Variants in ZNF251 observed in about 807,000 individuals in gnomAD.
The protein encoded by ZNF251 is zinc finger protein 251.
ZNF251 carries 14 observed loss-of-function variants against 13.5 expected under a neutral mutation model. The observed-to-expected ratio is 1.04, with a 90% confidence interval of 0.69 to 1.63. The LOEUF (loss-of-function observed/expected upper bound fraction) is 1.63, where lower values mean the gene tolerates loss of function less well. Among genes scored for constraint, ZNF251 ranks in the 40% most tolerant of loss-of-function variants. The probability of loss-of-function intolerance (pLI) is 0.00; values close to 1 mark genes in which losing one functional copy is unlikely to be tolerated. For synonymous variants in ZNF251, 287 were observed against 295.2 expected, an observed-to-expected ratio of 0.97 and a Z score of 0.28; for missense variants, 764 against 834.9, an observed-to-expected ratio of 0.92 and a Z score of 1.05.
At chr8:144,726,194 C>CAAAAAAAAAAAAAAAAAAAAAAAA (rs35542133) in intron 4 of ZNF251, among the ~76,000 whole-genome samples, 1 of 52,140 alleles carries the variant, frequency 1.9e-5, no homozygotes, top group African/African-American at 8.4e-5. Context: ...GACTCTGTCT[C>CAAAAAAAAAAAAAAAAAAAAAAAA]AAAAAAAAAA....
intron 4 of ZNF251, among the ~76,000 whole-genome samples, chr8:144,729,335 A>AT (rs142840972): frequency 7.1e-6 from 1 of 141,254 alleles, no homozygotes; most frequent in Non-Finnish European, 1.5e-5. Context: ...ATTTATTTTT[A>AT]TTTTTTTTTT....
At chr8:144,750,579 T>G (rs1331992765) in intron 4 of ZNF251, among the ~76,000 whole-genome samples, 1 of 152,234 alleles carries the variant, frequency 6.6e-6, no homozygotes, top group Non-Finnish European at 1.5e-5. Context: ...CCCTTTTCAC[T>G]TCCTCCTGCC....
chr8:144,736,855 T>C (rs1275248228), intron 4 of ZNF251, among the ~76,000 whole-genome samples: 1 of 151,592 alleles, frequency 6.6e-6, no homozygotes, highest in Non-Finnish European at 1.5e-5. Flanking sequence ...CAGTTTGAAG[T>C]GCAATGGCGT....
At chr8:144,738,368 C>A (rs550582177) in intron 4 of ZNF251, among the ~76,000 whole-genome samples, 14 of 152,364 alleles carry the variant, frequency 9.2e-5, no homozygotes, top group African/African-American at 3.1e-4. Context: ...GGGTCCCACA[C>A]TGAGTGGAAG....
chr8:144,721,933 CT>C lies in ZNF251; in HGVS notation c.1726del (p.Ser576ValfsTer11), dbSNP rs1255132641. 65 of 1,516,550 alleles carry C rather than the reference CT, an allele frequency of 4.3e-5. No individual in the cohort carries two copies. Among genetic ancestry groups the C allele is most frequent in the Non-Finnish European group, 5.3e-5 (60 of 1,132,048 alleles). 93.9% of individuals were successfully genotyped at this position (1,516,550 alleles called of 1,614,324 possible). ...ATCTTCAGTGGGTCGTGAGGTGGGA[CT>C]GAAAGCTTTTCCATATTCATTACAT... The part of the protein sequence containing the change: ...FGCNEYGKAF[S>X]PTSRPTEDQI... On this transcript the variant is annotated frameshift_variant, in exon 5 of 5. Coordinates refer to ENST00000292562, the MANE Select transcript of ZNF251 (RefSeq NM_138367.2). LOFTEE classifies it low-confidence loss of function (END_TRUNC).
chr8:144,723,620 C>A (rs1823435108), intron 4 of ZNF251, among the ~76,000 whole-genome samples: 1 of 152,174 alleles, frequency 6.6e-6, no homozygotes, highest in African/African-American at 2.4e-5. Context: ...TTTCACCTAT[C>A]AAATTGGCAA....
At position 144,722,117 on chromosome 8, in the gene ZNF251, T is replaced by C. The variant is rs1399881221; in HGVS notation, c.1543A>G (p.Thr515Ala). Residue 515 changes from threonine to alanine, a missense_variant, in exon 5 of 5, where the codon ACT becomes GCT. Coordinates refer to ENST00000292562, the MANE Select transcript of ZNF251 (RefSeq NM_138367.2). This position sits in a 1 kb window ranked among gnomAD's most constrained non-coding sequence, Gnocchi z 4.8. The stretch of plus-strand genomic sequence containing the variant: ...GGACCATGTTTTCTGCACTTACGAG[T>C]CTCTCCGCTGTGAACTTTCTGATGC... Reference protein sequence around the residue: ...IQHQKVHSGETRKCRKHGPAF... With the variant: ...IQHQKVHSGEARKCRKHGPAF... The C allele has an allele frequency of 6.2e-7, 1 of 1,613,842 alleles. No individual in the cohort carries two copies. The highest frequency in any genetic ancestry group is 2.2e-5 in the East Asian group (1 of 44,854).
chr8:144,730,175 C>T lies in ZNF251; in HGVS notation c.278-6793G>A, dbSNP rs564474910. On this transcript the variant is annotated intron_variant, in intron 4 of 4. Coordinates refer to ENST00000292562, the MANE Select transcript of ZNF251 (RefSeq NM_138367.2). ...AAGTGGAGAGCCATGTTTTATCCAC[C>T]GGGCCTAAAGCCCCTCCAGGCGCGG... 2.4e-5 allele frequency: 23 copies of T among 948,288 alleles called. No homozygotes were observed. The African/African-American group carries it at 3.5e-4, about 15-fold the overall frequency. 58.7% of individuals were successfully genotyped at this position (948,288 alleles called of 1,614,324 possible).
intron 4 of ZNF251, among the ~76,000 whole-genome samples, chr8:144,737,607 T>C (rs530335585): frequency 6.4e-4 from 97 of 151,580 alleles, no homozygotes; most frequent in East Asian, 1.6e-3. Context: ...CCAAGGCGGG[T>C]GGATCACAAG....
At chr8:144,727,231 C>T (rs531466195) in intron 4 of ZNF251, among the ~76,000 whole-genome samples, 4 of 152,208 alleles carry the variant, frequency 2.6e-5, no homozygotes, top group Non-Finnish European at 5.9e-5. Context: ...CTAATCTGTG[C>T]CGGTTCCATG....
intron 4 of ZNF251, among the ~76,000 whole-genome samples, chr8:144,728,192 T>A (rs1823574303): frequency 6.6e-6 from 1 of 151,992 alleles, no homozygotes; most frequent in Non-Finnish European, 1.5e-5. Context: ...TCTCAGGGAA[T>A]ATGGAGGCCC....
intron 1 of ZNF251, 93 bp from the exon 2 acceptor site, chr8:144,754,896 G>A: frequency 6.9e-7 from 1 of 1,446,964 alleles, no homozygotes; most frequent in Non-Finnish European, 9.1e-7. Flanking sequence ...GTGGCCTCCT[G>A]GGTCGCGGGA....
chr8:144,731,371 GCAA>G (rs539386587), intron 4 of ZNF251, among the ~76,000 whole-genome samples: 21 of 152,242 alleles, frequency 1.4e-4, no homozygotes, highest in South Asian at 8.3e-4. Flanking sequence ...AACTTTCTGG[GCAA>G]CAATAACATT....
intron 4 of ZNF251, among the ~76,000 whole-genome samples, chr8:144,736,872 G>A (rs1390030081): frequency 6.6e-6 from 1 of 151,314 alleles, no homozygotes; most frequent in East Asian, 1.9e-4. Flanking sequence ...GCGTGGTCTC[G>A]GCTCACTGCA....
chr8:144,742,548 C>T (rs1164886107), intron 4 of ZNF251, among the ~76,000 whole-genome samples: 2 of 151,444 alleles, frequency 1.3e-5, no homozygotes, highest in Non-Finnish European at 2.9e-5. Context: ...CACACTGACA[C>T]ATCATGACCA....
chr8:144,753,274 G>GAAAAA (rs11336657), intron 4 of ZNF251, among the ~76,000 whole-genome samples: 7 of 41,832 alleles, frequency 1.7e-4, no homozygotes, highest in Admixed American at 1.2e-3. Flanking sequence ...ATTCTGTCTC[G>GAAAAA]AAAAAAAAAA....
chr8:144,728,119 T>A (rs1177662273), intron 4 of ZNF251, among the ~76,000 whole-genome samples: 1 of 152,158 alleles, frequency 6.6e-6, no homozygotes, highest in African/African-American at 2.4e-5. Context: ...GACTCTTCCT[T>A]TCATTTGAAC....
At chr8:144,749,126 C>T (rs1272351054) in intron 4 of ZNF251, among the ~76,000 whole-genome samples, 2 of 152,028 alleles carry the variant, frequency 1.3e-5, no homozygotes, top group Non-Finnish European at 2.9e-5. Context: ...GATCAAGCTA[C>T]TGCACTCTAG....
intron 4 of ZNF251, among the ~76,000 whole-genome samples, chr8:144,745,724 T>G (rs1824394963): frequency 6.6e-6 from 1 of 152,070 alleles, no homozygotes; most frequent in Non-Finnish European, 1.5e-5. Context: ...CAAAAAAAAT[T>G]TTTTTGTAGA....
Sources: gnomAD v4.1 joint callset for allele counts (sites outside exome capture counted in the v4.1 genomes callset) on GRCh38, gnomAD v4.1.1 for gene constraint, Gnocchi (gnomAD v3.1) non-coding constraint, MANE v1.5 for transcripts, NCBI Gene and HGNC (gene_info 2026-07-23, HGNC 2026-07-21) for gene names.